The following MMP26 variants were observed in gnomAD, a reference collection of about 807,000 sequenced individuals.
The protein encoded by MMP26 is matrix metallopeptidase 26.
Under a neutral mutation model 31.0 loss-of-function variants are expected in MMP26, and 33 were observed. The ratio of observed to expected loss-of-function variants is 1.06; its 90% CI spans 0.81 to 1.42. The LOEUF (loss-of-function observed/expected upper bound fraction) is 1.42. Among genes scored for constraint, MMP26 ranks in the 40% most tolerant of loss-of-function variants. The pLI is 0.00. For synonymous variants in MMP26, 122 were observed against 114.9 expected (o/e 1.06, Z -0.40); for missense variants, 347 against 316.1 (o/e 1.10, Z -0.74).
intron 2 of MMP26, among the ~76,000 whole-genome samples, chr11:4,957,844 A>T (rs1032258716): frequency 6.6e-6 from 1 of 151,802 alleles, no homozygotes; most frequent in Non-Finnish European, 1.5e-5. Context: ...ACCCAAGCTA[A>T]TTTTTTTGTA....
chr11:4,789,530 C>CCTTTTTTTTTTTTTTT (rs1848993184), intron 2 of MMP26, among the ~76,000 whole-genome samples: 1 of 65,942 alleles, frequency 1.5e-5, no homozygotes, highest in Non-Finnish European at 2.7e-5. Context: ...TATCCCCCCA[C>CCTTTTTTTTTTTTTTT]TTTTTTTTTT....
At position 4,977,170 on chromosome 11, in the gene MMP26, T is replaced by A. The variant is rs1019540853; in HGVS notation, c.-144-10898T>A. On this transcript the variant is annotated intron_variant, in intron 2 of 7. Transcript: ENST00000380390. The stretch of plus-strand genomic sequence containing the variant: ...ATATTTGTCTTTGATAATGATGTTG[T>A]TGCACGTTGAAATCCCTTTGAAATA... Among the ~76,000 whole-genome samples the A allele has an allele frequency of 2.6e-5, 4 of 152,302 alleles. 1 individual carries two copies. Among genetic ancestry groups the A allele is most frequent in the Non-Finnish European group, 5.9e-5 (4 of 68,018 alleles).
intron 2 of MMP26, among the ~76,000 whole-genome samples, chr11:4,778,082 G>A (rs1175770906): frequency 1.3e-5 from 2 of 152,078 alleles, no homozygotes; most frequent in East Asian, 3.9e-4. Context: ...AGTGTATATG[G>A]CAGTGCATGG....
intron 2 of MMP26, among the ~76,000 whole-genome samples, chr11:4,894,815 A>T (rs2133552513): frequency 6.6e-6 from 1 of 152,290 alleles, no homozygotes; most frequent in East Asian, 1.9e-4. Context: ...GGGAAGTATT[A>T]CTATTTGCTA....
chr11:4,967,540 T>C (rs1192970159), intron 2 of MMP26, among the ~76,000 whole-genome samples: 1 of 152,182 alleles, frequency 6.6e-6, no homozygotes, highest in Non-Finnish European at 1.5e-5. Context: ...TATTCTGAGG[T>C]TCCTGTACCT....
At chr11:4,814,247 T>G (rs1043641993) in intron 2 of MMP26, among the ~76,000 whole-genome samples, 10 of 152,136 alleles carry the variant, frequency 6.6e-5, no homozygotes, top group Non-Finnish European at 1.3e-4. Flanking sequence ...CACTTTTAGT[T>G]GCATACTCCA....
At chr11:4,707,849 T>C (rs543659202) in intron 1 of MMP26, among the ~76,000 whole-genome samples, 23 of 152,330 alleles carry the variant, frequency 1.5e-4, no homozygotes, top group South Asian at 6.2e-4. Flanking sequence ...TTTCTGGCTC[T>C]GAGATCGTAG....
At chr11:4,797,775 A>G (rs1387959027) in intron 2 of MMP26, among the ~76,000 whole-genome samples, 1 of 152,220 alleles carries the variant, frequency 6.6e-6, no homozygotes, top group Non-Finnish European at 1.5e-5. Context: ...TTGGATTACA[A>G]TGTAAGCATC....
chr11:4,946,549 C>T (rs1350680905), intron 2 of MMP26: 1 of 1,597,728 alleles, frequency 6.3e-7, no homozygotes, highest in Admixed American at 1.7e-5. Context: ...TCATGACATC[C>T]TGGTGGAGAC....
intron 2 of MMP26, among the ~76,000 whole-genome samples, chr11:4,986,956 T>TCTCTCC (rs1846908234): frequency 7.1e-6 from 1 of 140,258 alleles, no homozygotes. Flanking sequence ...TCTCTCTCTC[T>TCTCTCC]CTCCCTCTCT....
intron 2 of MMP26, among the ~76,000 whole-genome samples, chr11:4,919,914 A>G (rs79486035): frequency 0.017 from 2,604 of 152,208 alleles, 79 homozygotes; most frequent in African/African-American, 0.057. Context: ...TCCACTCAGA[A>G]CTCAGTCCTT....
chr11:4,839,048 A>C (rs963305846), intron 2 of MMP26, among the ~76,000 whole-genome samples: 1 of 152,126 alleles, frequency 6.6e-6, no homozygotes. Flanking sequence ...CATTAAACTC[A>C]GTGCTGTCCT....
chr11:4,956,571 A>C (rs1447825107), intron 2 of MMP26, among the ~76,000 whole-genome samples: 2 of 152,180 alleles, frequency 1.3e-5, no homozygotes, highest in Admixed American at 6.5e-5. Context: ...CCTCTGCACA[A>C]GGCCAAGTCT....
chr11:4,715,328 CT>C (rs1589881725), intron 1 of MMP26, among the ~76,000 whole-genome samples: 1 of 96,726 alleles, frequency 1.0e-5, no homozygotes, highest in East Asian at 2.5e-4. Flanking sequence ...CAAATAAAGT[CT>C]TTTTTTCCTG....
chr11:4,824,621 T>A (rs1229402513), intron 2 of MMP26, among the ~76,000 whole-genome samples: 1 of 152,130 alleles, frequency 6.6e-6, no homozygotes, highest in Admixed American at 6.6e-5. Flanking sequence ...AATAATCATG[T>A]GGTAAATTCT....
At chr11:4,952,077 A>G (rs1846379510) in intron 2 of MMP26, among the ~76,000 whole-genome samples, 1 of 124,822 alleles carries the variant, frequency 8.0e-6, no homozygotes, top group African/African-American at 2.7e-5. Flanking sequence ...TTAAGATAAT[A>G]TTGGGTTTGC....
chr11:4,888,543 T>C (rs1213939012), intron 2 of MMP26, among the ~76,000 whole-genome samples: 1 of 152,120 alleles, frequency 6.6e-6, no homozygotes, highest in Non-Finnish European at 1.5e-5. Context: ...CTTTAAAAAA[T>C]GCTGTATTTT....
chr11:4,733,070 T>G (rs1848195186), intron 1 of MMP26, among the ~76,000 whole-genome samples: 1 of 152,234 alleles, frequency 6.6e-6, no homozygotes, highest in Non-Finnish European at 1.5e-5. Flanking sequence ...GTAATAAATT[T>G]TGATATTAGT....
At chr11:4,991,319 C>G in intron 5 of MMP26, 52 bp from the exon 6 acceptor site, 1 of 1,580,548 alleles carries the variant, frequency 6.3e-7, no homozygotes, top group Non-Finnish European at 8.6e-7. Context: ...ACTATTCTGG[C>G]CTTTGTTTCT....
Sources: gnomAD v4.1 joint callset for allele counts (sites outside exome capture counted in the v4.1 genomes callset) on GRCh38, gnomAD v4.1.1 for gene constraint, MANE v1.5 for transcripts, NCBI Gene and HGNC (gene_info 2026-07-23, HGNC 2026-07-21) for gene names.